DSCAM: variants seen among roughly 807,000 people sequenced by gnomAD.
The protein encoded by DSCAM is DS cell adhesion molecule.
In DSCAM, 47 loss-of-function variants were observed where a neutral mutation model predicts 217.7. That is an observed-to-expected ratio of 0.22 (90% CI 0.17 to 0.28). The LOEUF (loss-of-function observed/expected upper bound fraction) is 0.28. DSCAM is among the 10% of genes least tolerant of loss of function. The probability of loss-of-function intolerance (pLI) is 1.00; values close to 1 mark genes in which losing one functional copy is unlikely to be tolerated. For synonymous variants in DSCAM, 1,056 were observed against 1,015.3 expected (o/e 1.04, Z -0.76); for missense variants, 2,080 against 2,618.3 (o/e 0.79, Z 4.49).
intron 4 of DSCAM, among the ~76,000 whole-genome samples, chr21:40,360,414 G>T (rs1302357746): frequency 2.0e-5 from 3 of 152,048 alleles, no homozygotes; most frequent in Admixed American, 6.6e-5. Context: ...GATTACAGGT[G>T]TGAGCCACTG....
At chr21:40,651,164 C>G (rs2090008589) in intron 3 of DSCAM, among the ~76,000 whole-genome samples, 1 of 152,150 alleles carries the variant, frequency 6.6e-6, no homozygotes, top group Admixed American at 6.5e-5. Flanking sequence ...TCATGAGCTC[C>G]AAGCACACAG....
intron 8 of DSCAM, among the ~76,000 whole-genome samples, chr21:40,321,624 T>A (rs2074260471): frequency 6.6e-6 from 1 of 152,012 alleles, no homozygotes; most frequent in Non-Finnish European, 1.5e-5. Flanking sequence ...TTCTTTTTTT[T>A]TTTTTTTTCA....
chr21:40,088,756 G>T (rs1021096223), intron 21 of DSCAM, among the ~76,000 whole-genome samples: 13 of 152,200 alleles, frequency 8.5e-5, no homozygotes, highest in Non-Finnish European at 1.8e-4. Flanking sequence ...GTTCTTTAGA[G>T]AGTAGAGAAT....
chr21:40,780,446 T>TATATATATATATATATATA (rs1555888075), intron 1 of DSCAM, among the ~76,000 whole-genome samples: 2 of 144,516 alleles, frequency 1.4e-5, no homozygotes, highest in African/African-American at 5.0e-5. Flanking sequence ...TATATATATA[T>TATATATATATATATATATA]ATCTCCTGTT....
At chr21:40,239,921 C>A (rs375493383) in intron 11 of DSCAM, among the ~76,000 whole-genome samples, 3 of 152,136 alleles carry the variant, frequency 2.0e-5, no homozygotes, top group African/African-American at 7.2e-5. Context: ...CCTCTCCAGG[C>A]GAGCATCTCA....
chr21:40,289,670 T>A (rs577015860), intron 10 of DSCAM, among the ~76,000 whole-genome samples: 58 of 152,328 alleles, frequency 3.8e-4, no homozygotes, highest in East Asian at 1.9e-4. Context: ...TCTCTTACTG[T>A]GCCTGATTTA....
At chr21:40,406,099 G>GT (rs1401582691) in intron 3 of DSCAM, among the ~76,000 whole-genome samples, 1 of 152,128 alleles carries the variant, frequency 6.6e-6, no homozygotes, top group African/African-American at 2.4e-5. Flanking sequence ...CCGCAATAAC[G>GT]TATCACCTCA....
At chr21:40,394,050 T>C (rs1453890203) in intron 3 of DSCAM, among the ~76,000 whole-genome samples, 1 of 152,244 alleles carries the variant, frequency 6.6e-6, no homozygotes, top group Non-Finnish European at 1.5e-5. Context: ...GTCAAATCTA[T>C]ACTTTTTCTT....
chr21:40,306,019 A>C (rs1011218743), intron 9 of DSCAM, among the ~76,000 whole-genome samples: 3 of 151,944 alleles, frequency 2.0e-5, no homozygotes, highest in Non-Finnish European at 2.9e-5. Context: ...TTGAATCTAT[A>C]AATTACCTTG....
intron 3 of DSCAM, among the ~76,000 whole-genome samples, chr21:40,410,357 T>C (rs898835098): frequency 1.3e-5 from 2 of 151,518 alleles, no homozygotes; most frequent in African/African-American, 4.8e-5. Context: ...CATCAATGAC[T>C]TGAAGTGTAA....
chr21:40,684,390 C>T (rs993412531), intron 3 of DSCAM, among the ~76,000 whole-genome samples: 11 of 152,170 alleles, frequency 7.2e-5, no homozygotes, highest in Non-Finnish European at 1.5e-4. Flanking sequence ...GTCTGGGCTG[C>T]TGGATGGTTT....
At chr21:40,190,535 G>A (rs2090942995) in intron 11 of DSCAM, among the ~76,000 whole-genome samples, 1 of 152,188 alleles carries the variant, frequency 6.6e-6, no homozygotes, top group Admixed American at 6.5e-5. Context: ...GGCAAAGAGA[G>A]AAGAAAGCTG....
chr21:40,391,224 A>C (rs1467397572), intron 3 of DSCAM, among the ~76,000 whole-genome samples: 2 of 152,238 alleles, frequency 1.3e-5, no homozygotes, highest in Non-Finnish European at 2.9e-5. Context: ...CATGGCTGTT[A>C]GAATGAGCAG....
chr21:40,330,610 ACC>A (rs2074368211), intron 8 of DSCAM, among the ~76,000 whole-genome samples: 2 of 152,012 alleles, frequency 1.3e-5, no homozygotes, highest in African/African-American at 2.4e-5. Context: ...GTCTGAAGGA[ACC>A]CATAGAAGCT....
At chr21:40,657,999 C>T (rs1162869002) in intron 3 of DSCAM, among the ~76,000 whole-genome samples, 1 of 152,122 alleles carries the variant, frequency 6.6e-6, no homozygotes, top group East Asian at 1.9e-4. Context: ...AAGAAATTGG[C>T]CAGGTAAAGT....
At chr21:40,375,733 C>T (rs968182516) in intron 3 of DSCAM, among the ~76,000 whole-genome samples, 2 of 152,142 alleles carry the variant, frequency 1.3e-5, no homozygotes, top group Admixed American at 1.3e-4. Context: ...CTATGACATC[C>T]TAAAATATTT....
chr21:40,305,007 T>A (rs899391786), intron 9 of DSCAM, among the ~76,000 whole-genome samples: 1 of 152,076 alleles, frequency 6.6e-6, no homozygotes, highest in Non-Finnish European at 1.5e-5. Context: ...GCACACACTG[T>A]TGGAAAAAAT....
At chr21:40,511,403 C>T (rs551914923) in intron 3 of DSCAM, among the ~76,000 whole-genome samples, 1 of 152,114 alleles carries the variant, frequency 6.6e-6, no homozygotes, top group Admixed American at 6.5e-5. Context: ...GTATCCATGT[C>T]ACAGCTCTTA....
intron 3 of DSCAM, among the ~76,000 whole-genome samples, chr21:40,490,078 A>G (rs1033865395): frequency 2.6e-5 from 4 of 152,170 alleles, no homozygotes; most frequent in Non-Finnish European, 4.4e-5. Context: ...CATGTCCTAC[A>G]TGGCAGCAGG....
Sources: allele counts gnomAD v4.1 joint callset (sites outside exome capture counted in the v4.1 genomes callset), GRCh38; gene constraint gnomAD v4.1.1; transcripts MANE v1.5; gene names NCBI Gene and HGNC (gene_info 2026-07-23, HGNC 2026-07-21).